The following MGAT4C variants were observed in gnomAD, a reference collection of about 807,000 sequenced individuals.
The protein encoded by MGAT4C is alpha-1,3-mannosyl-glycoprotein 4-beta-N-acetylglucosaminyltransferase C.
Under a neutral mutation model 40.1 loss-of-function variants are expected in MGAT4C, and 19 were observed. The ratio of observed to expected loss-of-function variants is 0.47; its 90% CI spans 0.33 to 0.70. The LOEUF (loss-of-function observed/expected upper bound fraction) is 0.70. MGAT4C is among the 30% of genes least tolerant of loss of function. The pLI is 0.02. For synonymous variants in MGAT4C, 181 were observed against 187.1 expected (o/e 0.97, Z 0.27); for missense variants, 491 against 563.2 (o/e 0.87, Z 1.30).
At chr12:86,577,212 CTTTAG>C (rs1960599926) in intron 2 of MGAT4C, among the ~76,000 whole-genome samples, 1 of 151,730 alleles carries the variant, frequency 6.6e-6, no homozygotes, top group African/African-American at 2.4e-5. Context: ...CTTGTGTAGT[CTTTAG>C]TTTTTTCCAA....
At chr12:86,014,929 G>A (rs1297736017) in intron 2 of MGAT4C, among the ~76,000 whole-genome samples, 1 of 150,908 alleles carries the variant, frequency 6.6e-6, no homozygotes, top group Non-Finnish European at 1.5e-5. Flanking sequence ...CTACTGGCAT[G>A]TGCCACCATA....
At chr12:86,132,285 G>C (rs1245703764) in intron 1 of MGAT4C, among the ~76,000 whole-genome samples, 2 of 152,084 alleles carry the variant, frequency 1.3e-5, no homozygotes, top group East Asian at 3.9e-4. Flanking sequence ...GGAATGAGCA[G>C]TTACATACCA....
rs186175397 is a variant in MGAT4C, at chr12:86,035,327, C to T, written c.-7+14347G>A. On this transcript the variant is annotated intron_variant, in intron 2 of 4. Coordinates refer to ENST00000611864, the MANE Select transcript of MGAT4C (RefSeq NM_001351288.2). ...GTTTTGCTTTGCATTTCTCTAATGA[C>T]CACTGATGATGAACTTTTTTTCATG... is the stretch of plus-strand genomic sequence containing the variant. Among the ~76,000 whole-genome samples the T allele has an allele frequency of 1.3e-3, 192 of 150,310 alleles. 11 individuals carry two copies. The highest frequency in any genetic ancestry group is 0.012 in the Admixed American group (174 of 14,992).
intron 1 of MGAT4C, among the ~76,000 whole-genome samples, chr12:86,203,014 C>CTGTG (rs10587166): frequency 0.029 from 4,255 of 147,380 alleles, 79 homozygotes; most frequent in Non-Finnish European, 0.037. Flanking sequence ...TCACATTTTC[C>CTGTG]TGTGTGTGTG....
intron 2 of MGAT4C, among the ~76,000 whole-genome samples, chr12:86,575,152 T>C (rs1960511748): frequency 6.6e-6 from 1 of 151,772 alleles, no homozygotes; most frequent in African/African-American, 2.4e-5. Flanking sequence ...TCACCAGAAT[T>C]AGCTTCCTTG....
chr12:86,095,364 A>C (rs946441958), intron 1 of MGAT4C, among the ~76,000 whole-genome samples: 1 of 152,044 alleles, frequency 6.6e-6, no homozygotes, highest in Non-Finnish European at 1.5e-5. Context: ...ATGGTTCTGA[A>C]TGCATATTTA....
At chr12:86,047,666 G>C (rs1422365451) in intron 2 of MGAT4C, among the ~76,000 whole-genome samples, 2 of 152,058 alleles carry the variant, frequency 1.3e-5, no homozygotes, top group African/African-American at 4.8e-5. Context: ...TGGCGAAAAA[G>C]GGTCTAAAAA....
chr12:86,552,318 A>G (rs1002433459), intron 2 of MGAT4C, among the ~76,000 whole-genome samples: 8 of 152,094 alleles, frequency 5.3e-5, no homozygotes, highest in Admixed American at 5.2e-4. Flanking sequence ...TGGAAGCAAA[A>G]AAGGTGATTT....
chr12:86,021,676 C>T (rs1481466426), intron 2 of MGAT4C, among the ~76,000 whole-genome samples: 1 of 151,976 alleles, frequency 6.6e-6, no homozygotes, highest in East Asian at 1.9e-4. Flanking sequence ...CAACATGGCA[C>T]ATGTATACAT....
At chr12:86,161,584 G>T (rs1202322390) in intron 1 of MGAT4C, among the ~76,000 whole-genome samples, 1 of 152,094 alleles carries the variant, frequency 6.6e-6, no homozygotes, top group Non-Finnish European at 1.5e-5. Context: ...TACTCTTCTT[G>T]ACACTGGCCT....
intron 1 of MGAT4C, among the ~76,000 whole-genome samples, chr12:86,193,563 C>A (rs1889757232): frequency 6.6e-6 from 1 of 151,990 alleles, no homozygotes; most frequent in African/African-American, 2.4e-5. Flanking sequence ...CTGCTGACAA[C>A]AAATTCTCTC....
chr12:86,478,525 ATTGAC>A (rs1476824557), intron 2 of MGAT4C, among the ~76,000 whole-genome samples: 4 of 152,108 alleles, frequency 2.6e-5, no homozygotes, highest in Admixed American at 1.3e-4. Flanking sequence ...TGATATTGTG[ATTGAC>A]TTAAGTATCA....
intron 1 of MGAT4C, among the ~76,000 whole-genome samples, chr12:86,799,471 C>G (rs544484720): frequency 6.6e-6 from 1 of 151,758 alleles, no homozygotes; most frequent in Non-Finnish European, 1.5e-5. Context: ...GTTACAAATA[C>G]TTTCTATCTC....
At chr12:85,987,427 G>A (rs1237252027) in intron 3 of MGAT4C, among the ~76,000 whole-genome samples, 2 of 152,078 alleles carry the variant, frequency 1.3e-5, no homozygotes, top group Admixed American at 6.5e-5. Context: ...GTGAGCCACC[G>A]CGCCCGGCCA....
At chr12:86,673,354 G>C (rs1964309472) in intron 2 of MGAT4C, among the ~76,000 whole-genome samples, 1 of 152,050 alleles carries the variant, frequency 6.6e-6, no homozygotes, top group Non-Finnish European at 1.5e-5. Flanking sequence ...AAGCCTTTTA[G>C]AGTTGTTTTG....
At chr12:86,242,005 G>A (rs1951809986) in intron 1 of MGAT4C, among the ~76,000 whole-genome samples, 1 of 152,084 alleles carries the variant, frequency 6.6e-6, no homozygotes, top group African/African-American at 2.4e-5. Flanking sequence ...GCCTCCCAGT[G>A]TCTCAGAAGT....
intron 1 of MGAT4C, among the ~76,000 whole-genome samples, chr12:86,754,900 C>G (rs1951276039): frequency 6.6e-6 from 1 of 151,752 alleles, no homozygotes; most frequent in African/African-American, 2.4e-5. Context: ...TTTCCTTTAC[C>G]TATGTTAACG....
chr12:86,076,403 T>C (rs1869715289), intron 1 of MGAT4C, among the ~76,000 whole-genome samples: 1 of 152,198 alleles, frequency 6.6e-6, no homozygotes, highest in South Asian at 2.1e-4. Context: ...CTCTCCAAAC[T>C]GTTCCAAGCT....
intron 1 of MGAT4C, among the ~76,000 whole-genome samples, chr12:86,175,692 C>G (rs1335619473): frequency 1.3e-5 from 2 of 150,154 alleles, no homozygotes; most frequent in East Asian, 4.0e-4. Context: ...TGGTTCATGC[C>G]TGTAATCCCA....
Sources: allele counts gnomAD v4.1 joint callset (sites outside exome capture counted in the v4.1 genomes callset), GRCh38; gene constraint gnomAD v4.1.1; transcripts MANE v1.5; gene names NCBI Gene and HGNC (gene_info 2026-07-23, HGNC 2026-07-21).